CNTN5: variants seen among roughly 807,000 people sequenced by gnomAD.
CNTN5 encodes contactin-5.
CNTN5 carries 77 observed loss-of-function variants against 129.1 expected under a neutral mutation model. The ratio of observed to expected loss-of-function variants is 0.60; its 90% CI spans 0.50 to 0.72. The LOEUF (loss-of-function observed/expected upper bound fraction) is 0.72. CNTN5 is among the 30% of genes least tolerant of loss of function. The pLI, the probability that CNTN5 is intolerant of heterozygous loss-of-function variation, is 0.00. For missense variants in CNTN5, 1,478 were observed against 1,328.8 expected (o/e 1.11, Z -1.75); for synonymous variants, 509 against 465.6 (o/e 1.09, Z -1.20).
intron 10 of CNTN5, among the ~76,000 whole-genome samples, chr11:100,063,257 C>A (rs955136853): frequency 2.6e-5 from 4 of 151,910 alleles, no homozygotes; most frequent in African/African-American, 4.8e-5. Context: ...TGCTTTCACT[C>A]CTTATTACTG....
chr11:99,877,279 G>A (rs866349629), intron 6 of CNTN5, among the ~76,000 whole-genome samples: 72 of 152,160 alleles, frequency 4.7e-4, no homozygotes, highest in African/African-American at 1.6e-3. Context: ...TAAATACACC[G>A]GCAGACAGAT....
At chr11:99,662,129 C>G (rs1053394209) in intron 3 of CNTN5, among the ~76,000 whole-genome samples, 2 of 152,024 alleles carry the variant, frequency 1.3e-5, no homozygotes, top group Non-Finnish European at 2.9e-5. Context: ...TTTCTACTAA[C>G]GGGGTTTGCC....
At chr11:100,291,789 AAAAT>A (rs1451432133) in intron 18 of CNTN5, among the ~76,000 whole-genome samples, 98 of 52,446 alleles carry the variant, frequency 1.9e-3, no homozygotes, top group African/African-American at 4.2e-3. Context: ...AAATAAATAA[AAAAT>A]ATAAATAAAT....
intron 4 of CNTN5, among the ~76,000 whole-genome samples, chr11:99,831,261 G>T (rs1010173495): frequency 4.6e-5 from 7 of 152,098 alleles, no homozygotes; most frequent in African/African-American, 1.7e-4. Context: ...GCAAACTCTT[G>T]GAAAGCATTT....
chr11:99,597,426 G>A (rs982947008), intron 3 of CNTN5, among the ~76,000 whole-genome samples: 2 of 151,918 alleles, frequency 1.3e-5, no homozygotes, highest in Admixed American at 6.6e-5. Flanking sequence ...CCTATTGCAC[G>A]TTCTAAACTC....
chr11:99,588,682 T>C (rs1002409539), intron 3 of CNTN5, among the ~76,000 whole-genome samples: 6 of 152,186 alleles, frequency 3.9e-5, no homozygotes, highest in African/African-American at 9.6e-5. Context: ...AGAGGACTTA[T>C]GGATACCTAG....
intron 2 of CNTN5, among the ~76,000 whole-genome samples, chr11:99,442,414 CCCA>C (rs1304705819): frequency 2.0e-5 from 3 of 152,156 alleles, no homozygotes; most frequent in African/African-American, 7.2e-5. Context: ...AGGTGATCCA[CCCA>C]CCTTGGCCTC....
At chr11:100,226,799 A>G (rs143656964) in intron 16 of CNTN5, among the ~76,000 whole-genome samples, 4 of 152,244 alleles carry the variant, frequency 2.6e-5, no homozygotes, top group African/African-American at 9.6e-5. Flanking sequence ...TGGTAATTCA[A>G]CAAGCTTTGA....
intron 1 of CNTN5, among the ~76,000 whole-genome samples, chr11:99,179,811 T>C (rs534055695): frequency 3.3e-5 from 5 of 152,288 alleles, no homozygotes; most frequent in African/African-American, 9.6e-5. Flanking sequence ...GATTTTGTGG[T>C]GATGGTAGTT....
At chr11:99,687,855 T>C (rs1953862669) in intron 3 of CNTN5, among the ~76,000 whole-genome samples, 1 of 152,230 alleles carries the variant, frequency 6.6e-6, no homozygotes, top group Non-Finnish European at 1.5e-5. Context: ...GGTTCTGTCC[T>C]GTGACATGAT....
intron 3 of CNTN5, among the ~76,000 whole-genome samples, chr11:99,652,983 T>C (rs553043961): frequency 7.4e-4 from 112 of 152,020 alleles, no homozygotes; most frequent in Non-Finnish European, 1.4e-3. Context: ...AACCTTGGGG[T>C]AAGCTCAACA....
intron 3 of CNTN5, among the ~76,000 whole-genome samples, chr11:99,732,619 G>C (rs767721872): frequency 4.6e-5 from 7 of 152,174 alleles, no homozygotes; most frequent in Non-Finnish European, 1.0e-4. Context: ...AGAAGGCCTG[G>C]CGGACTTGGC....
At chr11:99,428,631 C>T (rs1205493121) in intron 2 of CNTN5, among the ~76,000 whole-genome samples, 1 of 151,078 alleles carries the variant, frequency 6.6e-6, no homozygotes, top group Admixed American at 6.6e-5. Context: ...TGAAAATAAC[C>T]CAGATATTTA....
chr11:100,308,095 A>G (rs1362040202), intron 20 of CNTN5, among the ~76,000 whole-genome samples: 1 of 151,808 alleles, frequency 6.6e-6, no homozygotes, highest in Non-Finnish European at 1.5e-5. Context: ...TAAGTTCCCC[A>G]GAAATGTCTT....
At chr11:99,492,535 G>A (rs562549462) in intron 2 of CNTN5, among the ~76,000 whole-genome samples, 3 of 152,146 alleles carry the variant, frequency 2.0e-5, no homozygotes, top group South Asian at 2.1e-4. Flanking sequence ...GTGCTATAGC[G>A]CTGTGATAGT....
At chr11:99,994,756 C>T (rs1036903650) in intron 8 of CNTN5, among the ~76,000 whole-genome samples, 1 of 152,126 alleles carries the variant, frequency 6.6e-6, no homozygotes, top group Non-Finnish European at 1.5e-5. Flanking sequence ...AACAGGATGC[C>T]TGGAGTCTTC....
At position 100,189,472 on chromosome 11, in the gene CNTN5, T is replaced by C. The variant is rs527743864; in HGVS notation, c.1581-1654T>C. On this transcript the variant is annotated intron_variant, in intron 13 of 24. Transcript: ENST00000524871. Reference sequence around the variant, plus strand: ...TTTATTTCTTTAAAGGAAGTAAACTTTTAAGCCAAACTTCTTACCTGCTAG... The same window carrying C: ...TTTATTTCTTTAAAGGAAGTAAACTCTTAAGCCAAACTTCTTACCTGCTAG... Among the ~76,000 whole-genome samples the C allele has an allele frequency of 2.0e-5, 3 of 152,236 alleles. No individual in the cohort carries two copies. In the East Asian group the frequency reaches 5.8e-4, roughly 30 times the overall value.
chr11:100,056,507 A>G (rs1411162940), intron 9 of CNTN5, among the ~76,000 whole-genome samples: 1 of 151,716 alleles, frequency 6.6e-6, no homozygotes, highest in Admixed American at 6.6e-5. Flanking sequence ...AGGATAACTT[A>G]AAGCAAAAAT....
chr11:99,035,509 C>T (rs953312810), intron 1 of CNTN5, among the ~76,000 whole-genome samples: 2 of 150,228 alleles, frequency 1.3e-5, no homozygotes, highest in South Asian at 2.1e-4. Context: ...GAATTGATCC[C>T]TTTACCATTA....
Sources: allele counts gnomAD v4.1 joint callset (sites outside exome capture counted in the v4.1 genomes callset), GRCh38; gene constraint gnomAD v4.1.1; transcripts MANE v1.5; gene names NCBI Gene and HGNC (gene_info 2026-07-23, HGNC 2026-07-21).